The following MTMR3 variants were observed in gnomAD, a reference collection of about 807,000 sequenced individuals.
The protein encoded by MTMR3 is myotubularin related protein 3.
In MTMR3, 32 loss-of-function variants were observed where a neutral mutation model predicts 132.4. The ratio of observed to expected loss-of-function variants is 0.24; its 90% CI spans 0.18 to 0.32. The LOEUF (loss-of-function observed/expected upper bound fraction) is 0.32, where lower values mean the gene tolerates loss of function less well. Among genes scored for constraint, MTMR3 ranks in the 10% least tolerant of loss-of-function variants. The pLI is 1.00. For synonymous variants in MTMR3, 556 were observed against 550.3 expected (o/e 1.01, Z -0.14); for missense variants, 1,216 against 1,489.6 (o/e 0.82, Z 3.02).
At chr22:29,936,513 G>A (rs906931835) in intron 1 of MTMR3, among the ~76,000 whole-genome samples, 2 of 152,072 alleles carry the variant, frequency 1.3e-5, no homozygotes, top group African/African-American at 2.4e-5. Flanking sequence ...GAGTTTAATG[G>A]AAAACCTGAT....
At chr22:29,949,815 T>C (rs1437292379) in intron 1 of MTMR3, among the ~76,000 whole-genome samples, 1 of 152,108 alleles carries the variant, frequency 6.6e-6, no homozygotes, top group Non-Finnish European at 1.5e-5. Flanking sequence ...TTATGTATGT[T>C]TAAGAGGGGC....
chr22:29,996,544 A>G (rs1467779988), intron 7 of MTMR3: 1 of 150,808 alleles, frequency 6.6e-6, no homozygotes, highest in Non-Finnish European at 1.5e-5. Flanking sequence ...AGTTCAAGAA[A>G]AGCACAAAAA....
intron 1 of MTMR3, among the ~76,000 whole-genome samples, chr22:29,892,673 A>G (rs2064823075): frequency 6.6e-6 from 1 of 152,218 alleles, no homozygotes; most frequent in Non-Finnish European, 1.5e-5. Flanking sequence ...AAAATGGGGA[A>G]ATTAATTTCA....
intron 5 of MTMR3, chr22:29,980,385 G>T (rs1258423496): frequency 6.6e-6 from 1 of 152,116 alleles, no homozygotes; most frequent in Non-Finnish European, 1.5e-5. Flanking sequence ...ATACACACCA[G>T]ATTCATTAAG....
At chr22:29,914,832 T>C (rs5763602) in intron 1 of MTMR3, among the ~76,000 whole-genome samples, 9,002 of 152,270 alleles carry the variant, frequency 0.059, 505 homozygotes, top group South Asian at 0.24. Flanking sequence ...GAGCAGTGCT[T>C]CAGTTGCAGC....
intron 2 of MTMR3, among the ~76,000 whole-genome samples, chr22:29,969,674 G>GTGCGTGC (rs1250616856): frequency 5.3e-5 from 8 of 151,914 alleles, no homozygotes; most frequent in South Asian, 4.2e-4. Context: ...GGGACTACAG[G>GTGCGTGC]CACACACCCC....
Position 30,020,054 on chromosome 22 carries a change from G to C in MTMR3, c.2395G>C (p.Glu799Gln). The change falls in exon 17 of 20, where the codon GAA (glutamate) becomes CAA (glutamine). Residue 799 changes from glutamate (E) to glutamine (Q), a missense_variant. By Grantham distance (29) the Glu-to-Gln change is conservative (BLOSUM62 2). Coordinates refer to ENST00000401950, the MANE Select transcript of MTMR3 (RefSeq NM_021090.4). ...GGTCCCTGTGGAGCAGTTTCGAATA[G>C]AAGAGATTGCAGAGGGTAGGGAGGA... ...LEVPVEQFRI[E>Q]EIAEGREEAV... 6.2e-7 allele frequency: 1 copy of C among 1,614,212 alleles called. No homozygotes were observed. The highest frequency in any genetic ancestry group is 8.5e-7 in the Non-Finnish European group (1 of 1,180,030).
At chr22:29,907,033 C>T (rs1201336880) in intron 1 of MTMR3, among the ~76,000 whole-genome samples, 3 of 151,768 alleles carry the variant, frequency 2.0e-5, no homozygotes, top group African/African-American at 4.8e-5. Flanking sequence ...GCTGAGATTG[C>T]GCCACTGCAC....
At chr22:29,904,746 A>G (rs1455399313) in intron 1 of MTMR3, among the ~76,000 whole-genome samples, 1 of 152,204 alleles carries the variant, frequency 6.6e-6, no homozygotes, top group African/African-American at 2.4e-5. Context: ...ATATTCAAAG[A>G]TGATAGAATA....
At chr22:29,922,255 G>A (rs1261177970) in intron 1 of MTMR3, among the ~76,000 whole-genome samples, 1 of 152,086 alleles carries the variant, frequency 6.6e-6, no homozygotes, top group Non-Finnish European at 1.5e-5. Context: ...CTGACCTCAG[G>A]TGATTCTCCT....
chr22:30,016,308 A>T (rs886144402), intron 14 of MTMR3: 2 of 497,702 alleles, frequency 4.0e-6, no homozygotes, highest in Non-Finnish European at 7.2e-6. Context: ...GGAAGCTAAG[A>T]GGAATAGGGG....
At chr22:30,010,201 G>A (rs1217522107) in intron 12 of MTMR3, 1 of 152,126 alleles carries the variant, frequency 6.6e-6, no homozygotes, top group Non-Finnish European at 1.5e-5. Context: ...CCAGGAGATC[G>A]GCCGCGAACT....
chr22:29,972,487 T>G (rs1762687860), intron 3 of MTMR3, among the ~76,000 whole-genome samples: 1 of 152,228 alleles, frequency 6.6e-6, no homozygotes, highest in African/African-American at 2.4e-5. Context: ...CTTTTGTTTT[T>G]GTTTAGTTTC....
At chr22:29,887,240 T>C (rs2064696652) in intron 1 of MTMR3, among the ~76,000 whole-genome samples, 1 of 152,228 alleles carries the variant, frequency 6.6e-6, no homozygotes, top group Admixed American at 6.5e-5. Context: ...TGGGTTGTTA[T>C]TCTTCATTAC....
In MTMR3 at chr22:30,025,901, C is replaced by T. The variant is rs951278547; in HGVS notation, c.*100C>T. 5.6e-6 allele frequency: 7 copies of T among 1,247,488 alleles called. No homozygotes were observed. Among genetic ancestry groups the T allele is most frequent in the African/African-American group, 1.5e-5 (1 of 67,476 alleles). The allele number at this position is 1,247,488 out of a possible 1,614,324, so 77.3% of individuals were successfully genotyped here. A position where few individuals can be genotyped will look rare whatever the true frequency, so the allele number is the denominator to read the frequency against. ...AGGCCCGTGCACTTTGGAATGGGAG[C>T]GTGGAACCACCTGTACAGAGTGACA... On this transcript the variant is annotated 3_prime_UTR_variant, in exon 20 of 20. Transcript: ENST00000401950.
rs1425523646 is a variant in MTMR3 at position 30,012,431 on chromosome 22, G to A, written c.1185G>A (p.Ala395=). 7 of 1,614,128 alleles carry A rather than the reference G, an allele frequency of 4.3e-6. No individual in the cohort carries two copies. The highest frequency in any genetic ancestry group is 1.7e-5 in the Admixed American group (1 of 60,018). The change falls in exon 13 of 20, where the codon GCG becomes GCA. Residue 395 remains alanine (A), a synonymous_variant. Coordinates refer to ENST00000401950, the MANE Select transcript of MTMR3 (RefSeq NM_021090.4). ...ACTTGTCTGTGCTTCTGAAATCAGC[G>A]CTTCTGGTAGTGCATGCTGTGGATC... ...LHHLSVLLKS[A]LLVVHAVDQD...
intron 5 of MTMR3, chr22:29,982,177 C>T (rs2066759675): frequency 7.2e-6 from 1 of 139,164 alleles, no homozygotes. Flanking sequence ...CCATTGCACT[C>T]CAGCCTGGGT....
rs554479668 is a variant in MTMR3, at chr22:29,972,762, G to A, written c.3+1700G>A. On this transcript the variant is annotated intron_variant, in intron 3 of 19. Coordinates refer to ENST00000401950, the MANE Select transcript of MTMR3 (RefSeq NM_021090.4). ...ATTTTTGTATTTTCAGTAGAGACGG[G>A]GTTTCGCCATGTTGGCCAGGCTGGT... 4.5e-3 allele frequency among the ~76,000 whole-genome samples: 680 copies of A among 152,252 alleles called. 6 individuals carry two copies. Among genetic ancestry groups the A allele is most frequent in the African/African-American group, 0.015 (642 of 41,542 alleles).
At chr22:29,949,511 A>C (rs557610805) in intron 1 of MTMR3, among the ~76,000 whole-genome samples, 69 of 127,956 alleles carry the variant, frequency 5.4e-4, no homozygotes, top group Admixed American at 1.6e-3. Flanking sequence ...CCCCCCCCCA[A>C]AAAAAAAAAA....
Sources: gnomAD v4.1 joint callset for allele counts (sites outside exome capture counted in the v4.1 genomes callset) on GRCh38, gnomAD v4.1.1 for gene constraint, MANE v1.5 for transcripts, NCBI Gene and HGNC (gene_info 2026-07-23, HGNC 2026-07-21) for gene names.